ANGPT4: variants seen among roughly 807,000 people sequenced by gnomAD.
The protein encoded by ANGPT4 is angiopoietin-4.
In ANGPT4, 50 loss-of-function variants were observed where a neutral mutation model predicts 53.0. That is an observed-to-expected ratio of 0.94 (90% CI 0.75 to 1.20). ANGPT4 has a LOEUF of 1.20. ANGPT4 is among the 50% of genes most tolerant of loss of function. The pLI, the probability that ANGPT4 is intolerant of heterozygous loss-of-function variation, is 0.00. For missense variants in ANGPT4, 648 were observed against 637.1 expected (o/e 1.02, Z -0.18); for synonymous variants, 251 against 259.7 (o/e 0.97, Z 0.32).
In ANGPT4 at chr20:874,284, C is replaced by A. The variant is rs750217286; in HGVS notation, c.1351G>T (p.Gly451Trp). The A allele has an allele frequency of 1.2e-6, 2 of 1,613,996 alleles. No individual in the cohort carries two copies. The highest frequency in any genetic ancestry group is 1.7e-5 in the Admixed American group (1 of 59,996). Residue 451 changes from glycine to tryptophan, a missense_variant and splice_region_variant, in exon 8 of 9, where the codon GGG (glycine) becomes TGG (tryptophan). Transcript: ENST00000381922. ...GAGCTTCACCCCACCCTGCACCTAC[C>A]TCCAGACATCACTTGGGCACACTTG... ...LCKCAQVMSG[G>W]WWFDACGLSN...
chr20:878,554 A>G (rs1981265175), intron 6 of ANGPT4, among the ~76,000 whole-genome samples: 2 of 152,334 alleles, frequency 1.3e-5, no homozygotes, highest in South Asian at 4.1e-4. Flanking sequence ...AAAGTTATTG[A>G]AATCACATTC....
intron 1 of ANGPT4, among the ~76,000 whole-genome samples, chr20:904,779 A>T (rs1012387699): frequency 2.0e-5 from 3 of 152,182 alleles, no homozygotes; most frequent in Non-Finnish European, 4.4e-5. Context: ...GGCATGTGCC[A>T]CCAGGCCCAG....
chr20:872,827 A>G lies in ANGPT4; in HGVS notation c.*133T>C, dbSNP rs1298776023. On this transcript the variant is annotated 3_prime_UTR_variant, in exon 9 of 9. Coordinates refer to ENST00000381922, the MANE Select transcript of ANGPT4 (RefSeq NM_015985.4). Reference sequence around the variant, plus strand: ...ATGACCCTTCTGGACTTCTGGGTCAAGGAGGGCTGGCTCAGGAAGCCCAGG... The same window carrying G: ...ATGACCCTTCTGGACTTCTGGGTCAGGGAGGGCTGGCTCAGGAAGCCCAGG... 2.8e-5 allele frequency: 33 copies of G among 1,178,170 alleles called. No homozygotes were observed. Among genetic ancestry groups the G allele is most frequent in the Non-Finnish European group, 6.0e-6 (5 of 828,972 alleles). The allele number at this position is 1,178,170 out of a possible 1,614,324, so 73.0% of individuals were successfully genotyped here.
chr20:892,883 G>A (rs1424453021), intron 1 of ANGPT4, among the ~76,000 whole-genome samples: 1 of 152,126 alleles, frequency 6.6e-6, no homozygotes, highest in African/African-American at 2.4e-5. Flanking sequence ...CCTTGACACT[G>A]CCCTCAAGGG....
At chr20:900,815 C>A (rs1335577755) in intron 1 of ANGPT4, among the ~76,000 whole-genome samples, 1 of 151,704 alleles carries the variant, frequency 6.6e-6, no homozygotes. Flanking sequence ...TACACTGAAC[C>A]CCCTTGGACA....
chr20:877,329 C>T (rs1981208097), intron 7 of ANGPT4, among the ~76,000 whole-genome samples: 1 of 152,110 alleles, frequency 6.6e-6, no homozygotes, highest in African/African-American at 2.4e-5. Flanking sequence ...AATCCTGGTT[C>T]AGAGATAGCC....
chr20:900,728 A>G (rs1356265288), intron 1 of ANGPT4, among the ~76,000 whole-genome samples: 1 of 152,214 alleles, frequency 6.6e-6, no homozygotes, highest in Non-Finnish European at 1.5e-5. Context: ...TTTCACCTAA[A>G]TCAATCTGGC....
At chr20:882,539 A>G (rs1331425026) in intron 4 of ANGPT4, among the ~76,000 whole-genome samples, 1 of 151,928 alleles carries the variant, frequency 6.6e-6, no homozygotes, top group East Asian at 1.9e-4. Context: ...GATGACTAAG[A>G]CCCCCAAATC....
In ANGPT4 at chr20:888,561, G is replaced by A. The variant is rs536386995; in HGVS notation, c.466-122C>T. On this transcript the variant is annotated intron_variant, in intron 2 of 8. Transcript: ENST00000381922. ...CTTACCCATTTCCACTCTCCCAGTC[G>A]TAGTTCCTGTGGTTACTCACTCACA... 37 of 1,445,254 alleles carry A rather than the reference G, an allele frequency of 2.6e-5. No homozygotes were observed. In the Middle Eastern group the frequency reaches 6.9e-4, roughly 27 times the overall value. The allele number at this position is 1,445,254 out of a possible 1,614,324, so 89.5% of individuals were successfully genotyped here. A position where few individuals can be genotyped will look rare whatever the true frequency, so the allele number is the denominator to read the frequency against.
At chr20:901,192 T>C (rs1319550377) in intron 1 of ANGPT4, among the ~76,000 whole-genome samples, 4 of 152,190 alleles carry the variant, frequency 2.6e-5, no homozygotes, top group Non-Finnish European at 5.9e-5. Context: ...CACTATTTTG[T>C]TTTGTTTTTC....
Position 890,315 on chromosome 20 carries a change from C to T in ANGPT4, c.363G>A (p.Gln121=). 1 of 1,613,732 alleles carries T rather than the reference C, an allele frequency of 6.2e-7. No homozygotes were observed. ...ILRSKLEQVQ[Q]QMAQNQTAPM... is the part of the protein sequence containing the mutation. ...GGGCCGTCTGATTCTGGGCCATTTGCTGCTGGACCTGCTCCAGCTTCGACC... is the reference window on the plus strand; with the variant it reads ...GGGCCGTCTGATTCTGGGCCATTTGTTGCTGGACCTGCTCCAGCTTCGACC... The change falls in exon 2 of 9, where the codon CAG becomes CAA. Residue 121 remains glutamine, a synonymous_variant. Transcript: ENST00000381922.
intron 1 of ANGPT4, 121 bp downstream of exon 1, chr20:915,785 G>T: frequency 7.9e-7 from 1 of 1,264,204 alleles, no homozygotes; most frequent in Non-Finnish European, 1.1e-6. Flanking sequence ...GCCCCTCTTT[G>T]TGCAGCTCAG....
At chr20:889,939 C>T (rs1981767314) in intron 2 of ANGPT4, among the ~76,000 whole-genome samples, 1 of 152,210 alleles carries the variant, frequency 6.6e-6, no homozygotes, top group Non-Finnish European at 1.5e-5. Flanking sequence ...GGGAGCTGTG[C>T]TACTATACCC....
intron 8 of ANGPT4, 30 bp from the exon 9 acceptor site, chr20:873,150 T>G: frequency 6.2e-7 from 1 of 1,600,482 alleles, no homozygotes. Flanking sequence ...AGGCGCTTGG[T>G]GGAGGTGGGA....
Position 869,931 on chromosome 20 carries a change from C to T in ANGPT4, c.*3029G>A. ...CAGAAAATCATTCCTTTACTGGAAT[C>T]ATGGAGACGAGGGAGCTCCCCGGGT... On this transcript the variant is annotated 3_prime_UTR_variant, in exon 9 of 9. Coordinates refer to ENST00000381922, the MANE Select transcript of ANGPT4 (RefSeq NM_015985.4). 6.6e-6 allele frequency: 1 copy of T among 152,408 alleles called. No individual in the cohort carries two copies. The highest frequency in any genetic ancestry group is 1.5e-5 in the Non-Finnish European group (1 of 68,126). 9.4% of individuals were successfully genotyped at this position (152,408 alleles called of 1,614,324 possible).
rs1982699275 is a variant in ANGPT4 at position 911,527 on chromosome 20, A to T, written c.309+4379T>A. Among the ~76,000 whole-genome samples, 1 of 152,148 alleles carries T rather than the reference A, an allele frequency of 6.6e-6. No homozygotes were observed. ...GGAGCTGAGAAAGAGACAGGAAAAG[A>T]TGCAGGGAGTCACTTTGATAGCCAA... On this transcript the variant is annotated intron_variant, in intron 1 of 8. Transcript: ENST00000381922. This position sits in a 1 kb window ranked among gnomAD's most constrained non-coding sequence, Gnocchi z 4.9.
intron 1 of ANGPT4, among the ~76,000 whole-genome samples, chr20:899,531 G>A (rs1002591813): frequency 6.6e-6 from 1 of 152,010 alleles, no homozygotes; most frequent in African/African-American, 2.4e-5. Flanking sequence ...GGGATTACAG[G>A]CATGAACCAC....
intron 1 of ANGPT4, among the ~76,000 whole-genome samples, chr20:909,807 C>T (rs1982629440): frequency 6.6e-6 from 1 of 152,208 alleles, no homozygotes; most frequent in African/African-American, 2.4e-5. Context: ...GGATTTGCCC[C>T]CAGGCCCTGG....
intron 4 of ANGPT4, among the ~76,000 whole-genome samples, chr20:883,212 T>C (rs555550977): frequency 2.6e-5 from 4 of 152,368 alleles, no homozygotes; most frequent in South Asian, 2.1e-4. Flanking sequence ...CCGGCCCATC[T>C]GACTGCAAAG....
Sources: gnomAD v4.1 joint callset for allele counts (sites outside exome capture counted in the v4.1 genomes callset) on GRCh38, gnomAD v4.1.1 for gene constraint, Gnocchi (gnomAD v3.1) non-coding constraint, MANE v1.5 for transcripts, NCBI Gene and HGNC (gene_info 2026-07-23, HGNC 2026-07-21) for gene names.